ADGRB1: variants seen among roughly 807,000 people sequenced by gnomAD.
The protein encoded by ADGRB1 is brain-specific angiogenesis inhibitor 1.
A neutral mutation model predicts 175.7 loss-of-function variants in ADGRB1; 36 were observed. The observed-to-expected ratio is 0.20, with a 90% CI of 0.16 to 0.27. The LOEUF is 0.27. ADGRB1 is among the 10% of genes least tolerant of loss of function. The pLI, the probability that ADGRB1 is intolerant of heterozygous loss-of-function variation, is 1.00. For synonymous variants in ADGRB1, 1,054 were observed against 979.4 expected, an observed-to-expected ratio of 1.08 and a Z score of -1.42; for missense variants, 1,731 against 2,255.3, an observed-to-expected ratio of 0.77 and a Z score of 4.71.
intron 2 of ADGRB1, among the ~76,000 whole-genome samples, chr8:142,465,551 G>A (rs923627792): frequency 1.3e-5 from 2 of 151,478 alleles, no homozygotes; most frequent in Non-Finnish European, 2.9e-5. Context: ...AATCACCTCT[G>A]CCACACGCTC....
rs1030211060 is a variant in ADGRB1, at chr8:142,464,171, C to T, written c.-28C>T. On this transcript the variant is annotated 5_prime_UTR_variant, in exon 2 of 31. Transcript: ENST00000517894. Reference sequence around the variant, plus strand: ...GGTCCGCGCCTGCCTGCCCAGCCCGCGGAACCCCGGCGGCCCCGCGAGCTA... The same window carrying T: ...GGTCCGCGCCTGCCTGCCCAGCCCGTGGAACCCCGGCGGCCCCGCGAGCTA... 4 of 1,255,488 alleles carry T rather than the reference C, an allele frequency of 3.2e-6. No individual in the cohort carries two copies. The highest frequency in any genetic ancestry group is 3.0e-4 in the Middle Eastern group (1 of 3,298). 77.8% of individuals were successfully genotyped at this position (1,255,488 alleles called of 1,614,324 possible). A position where few individuals can be genotyped will look rare whatever the true frequency, so the allele number is the denominator to read the frequency against.
At chr8:142,484,128 G>A in intron 12 of ADGRB1, 83 bp downstream of exon 12, 1 of 1,303,296 alleles carries the variant, frequency 7.7e-7, no homozygotes. Flanking sequence ...AGTCGGCCTG[G>A]GGTGGGGTCC....
intron 15 of ADGRB1, 33 bp downstream of exon 15, chr8:142,489,143 G>A: frequency 6.3e-7 from 1 of 1,579,070 alleles, no homozygotes. Context: ...GGTGGGCAGT[G>A]CAGGGCAGGT....
At position 142,492,464 on chromosome 8, in the gene ADGRB1, A is replaced by G. The variant is rs568157966; in HGVS notation, c.2675+1649A>G. On this transcript the variant is annotated intron_variant, in intron 17 of 30. Transcript: ENST00000517894. The surrounding 1 kb of genome is among the most constrained non-coding windows in gnomAD (Gnocchi z 4.4). Reference sequence around the variant, plus strand: ...CGGGTGGGGAGGGGCCTTTGCAAGCAGGGTCATGCACGCCTCCGAGGGAAG... The same window carrying G: ...CGGGTGGGGAGGGGCCTTTGCAAGCGGGGTCATGCACGCCTCCGAGGGAAG... Among the ~76,000 whole-genome samples the G allele has an allele frequency of 5.3e-5, 8 of 152,242 alleles. No homozygotes were observed. The highest frequency in any genetic ancestry group is 5.2e-4 in the Admixed American group (8 of 15,296).
intron 24 of ADGRB1, 83 bp from the exon 25 acceptor site, chr8:142,533,212 G>A (rs1844725881): frequency 9.5e-6 from 13 of 1,365,358 alleles, no homozygotes; most frequent in East Asian, 5.1e-5. Context: ...GGTCCCCACC[G>A]AGGCCTGGAG....
chr8:142,514,710 C>T (rs1563729657), intron 18 of ADGRB1, among the ~76,000 whole-genome samples: 1 of 151,976 alleles, frequency 6.6e-6, no homozygotes, highest in South Asian at 2.1e-4. Context: ...GAATCAGGGC[C>T]CAGTGTGTGC....
At chr8:142,488,597 G>GAA in intron 14 of ADGRB1, 90 bp downstream of exon 14, 1 of 1,524,368 alleles carries the variant, frequency 6.6e-7, no homozygotes, top group Non-Finnish European at 8.9e-7. Flanking sequence ...TCTAGCTGCT[G>GAA]CCTCAGAGTT....
Position 142,481,540 on chromosome 8 carries a change from T to C in ADGRB1, c.1959T>C (p.Ala653=), listed in dbSNP as rs762201017. ...AGACCCGGGAGCACCTGGCCAAGGC[T>C]CAGCGAGGGCTGCCTGGGGAGGGGG... ...QMMTREHLAK[A]QRGLPGEGVS... is the part of the protein sequence containing the mutation. The change falls in exon 11 of 31, where the codon GCT becomes GCC. Residue 653 remains alanine, a synonymous_variant. Coordinates refer to ENST00000517894, the MANE Select transcript of ADGRB1 (RefSeq NM_001702.3). The C allele has an allele frequency of 1.7e-5, 27 of 1,589,224 alleles. No individual in the cohort carries two copies. Among genetic ancestry groups the C allele is most frequent in the Non-Finnish European group, 2.3e-5 (27 of 1,167,132 alleles).
At chr8:142,484,850 T>A in intron 13 of ADGRB1, 86 bp downstream of exon 13, 1 of 1,046,500 alleles carries the variant, frequency 9.6e-7, no homozygotes, top group Non-Finnish European at 1.4e-6. Context: ...CTCATCTGTA[T>A]AAAGGGGCAG....
chr8:142,479,460 C>A lies in ADGRB1; in HGVS notation c.1699C>A (p.Arg567=). 6.4e-7 allele frequency: 1 copy of A among 1,553,896 alleles called. No individual in the cohort carries two copies. The highest frequency in any genetic ancestry group is 8.6e-7 in the Non-Finnish European group (1 of 1,156,078). The change falls in exon 8 of 31, where the codon CGG becomes AGG. Residue 567 remains arginine, a synonymous_variant. Transcript: ENST00000517894. ...CTGCCAGGGCCCCCAGGATGAGTAC[C>A]GGCAGTGCGGCACCCAGCGGTGTCC... The part of the protein sequence containing the change: ...AACQGPQDEY[R]QCGTQRCPEP...
At chr8:142,517,722 T>C (rs1389408013) in intron 18 of ADGRB1, among the ~76,000 whole-genome samples, 1 of 152,090 alleles carries the variant, frequency 6.6e-6, no homozygotes, top group Non-Finnish European at 1.5e-5. Context: ...AAGCGGCTGC[T>C]GCCCCCGGAT....
chr8:142,497,902 G>T (rs531274382), intron 17 of ADGRB1, among the ~76,000 whole-genome samples: 47 of 152,298 alleles, frequency 3.1e-4, no homozygotes, highest in African/African-American at 1.1e-3. Flanking sequence ...ACGGCTGCGG[G>T]CAAGCCCCCA....
intron 4 of ADGRB1, 69 bp downstream of exon 4, chr8:142,476,764 C>A: frequency 7.2e-7 from 1 of 1,392,624 alleles, no homozygotes. Flanking sequence ...TCAATTGCAG[C>A]TAGTTATGGG....
intron 1 of ADGRB1, among the ~76,000 whole-genome samples, chr8:142,460,964 TG>T (rs1244507507): frequency 6.6e-6 from 1 of 152,212 alleles, no homozygotes; most frequent in African/African-American, 2.4e-5. Context: ...TGCCACCTCT[TG>T]CCTACAGGGT....
In ADGRB1 at chr8:142,542,663, G is replaced by T. The variant is rs1237894682; in HGVS notation, c.4413+16G>T. The T allele has an allele frequency of 6.5e-7, 1 of 1,536,122 alleles. No homozygotes were observed. The highest frequency in any genetic ancestry group is 1.2e-5 in the South Asian group (1 of 83,132). ...CTCCCTGGAGGTGAGGGGGGCAGGG[G>T]TGGGCCACACCCCAGCCAGCGAGGG... On this transcript the variant is annotated intron_variant, in intron 28 of 30. Transcript: ENST00000517894. This position sits in a 1 kb window ranked among gnomAD's most constrained non-coding sequence, Gnocchi z 6.3.
intron 23 of ADGRB1, among the ~76,000 whole-genome samples, chr8:142,525,292 G>T (rs1241393989): frequency 6.6e-6 from 1 of 151,904 alleles, no homozygotes; most frequent in Non-Finnish European, 1.5e-5. Context: ...GGAGAGGCGT[G>T]GGGTACCTGG....
At chr8:142,500,115 C>T (rs1255250902) in intron 17 of ADGRB1, among the ~76,000 whole-genome samples, 2 of 152,066 alleles carry the variant, frequency 1.3e-5, no homozygotes, top group Non-Finnish European at 2.9e-5. Flanking sequence ...CCTCACAATG[C>T]AAGACGCCAG....
In ADGRB1 at chr8:142,539,433, G is replaced by A; in HGVS notation, c.3706+20G>A. Reference sequence around the variant, plus strand: ...GATCAGGTGAGCGCCCGACAGGTGAGAGGACAGTGCCAGCCCGGCCCCCTG... The same window carrying A: ...GATCAGGTGAGCGCCCGACAGGTGAAAGGACAGTGCCAGCCCGGCCCCCTG... On this transcript the variant is annotated intron_variant, in intron 27 of 30. Transcript: ENST00000517894. The A allele has an allele frequency of 6.2e-7, 1 of 1,600,648 alleles. No individual in the cohort carries two copies. Among genetic ancestry groups the A allele is most frequent in the Non-Finnish European group, 8.5e-7 (1 of 1,174,326 alleles).
chr8:142,462,513 C>G (rs1467049679), intron 1 of ADGRB1, among the ~76,000 whole-genome samples: 1 of 152,260 alleles, frequency 6.6e-6, no homozygotes, highest in East Asian at 1.9e-4. Flanking sequence ...AGCCTCTGCT[C>G]AGGCTGGGGC....
Sources: allele counts gnomAD v4.1 joint callset (sites outside exome capture counted in the v4.1 genomes callset), GRCh38; gene constraint gnomAD v4.1.1; non-coding constraint Gnocchi (gnomAD v3.1); transcripts MANE v1.5; gene names NCBI Gene and HGNC (gene_info 2026-07-23, HGNC 2026-07-21).